Variants in UBA3 observed in about 807,000 individuals in gnomAD.
The protein encoded by UBA3 is ubiquitin like modifier activating enzyme 3.
A neutral mutation model predicts 73.5 loss-of-function variants in UBA3; 26 were observed. That is an observed-to-expected ratio of 0.35 (90% CI 0.26 to 0.49). The LOEUF (loss-of-function observed/expected upper bound fraction) is 0.49. Among genes scored for constraint, UBA3 ranks in the 20% least tolerant of loss-of-function variants. The pLI is 0.98. For missense variants in UBA3, 495 were observed against 555.6 expected (o/e 0.89, Z 1.10); for synonymous variants, 217 against 191.2 (o/e 1.13, Z -1.11).
chr3:69,068,433 A>T (rs2107493152), intron 5 of UBA3, among the ~76,000 whole-genome samples: 1 of 151,050 alleles, frequency 6.6e-6, no homozygotes, highest in East Asian at 1.9e-4. Flanking sequence ...CCTTCATTTA[A>T]CCCCTTCTTC....
At chr3:69,056,494 T>C in intron 14 of UBA3, 118 bp downstream of exon 14, 4 of 924,252 alleles carry the variant, frequency 4.3e-6, no homozygotes, top group Non-Finnish European at 6.5e-6. Flanking sequence ...AAAAGATATA[T>C]AATAAGTAGA....
intron 2 of UBA3, among the ~76,000 whole-genome samples, chr3:69,079,566 G>A (rs960824517): frequency 1.3e-5 from 2 of 152,236 alleles, no homozygotes; most frequent in Admixed American, 6.5e-5. Flanking sequence ...AGGGTGTGTA[G>A]TAAAAGGGAT....
chr3:69,080,080 G>A, intron 2 of UBA3, 32 bp downstream of exon 2: 1 of 1,600,800 alleles, frequency 6.2e-7, no homozygotes. Flanking sequence ...GGGGGTCCCC[G>A]GAGAGGGCCC....
chr3:69,059,196 AC>A (rs1161147205), intron 11 of UBA3, among the ~76,000 whole-genome samples: 2 of 152,216 alleles, frequency 1.3e-5, no homozygotes, highest in East Asian at 3.8e-4. Flanking sequence ...TATGTGTTAG[AC>A]TGAGAATGAT....
At chr3:69,078,324 G>A (rs191125868) in intron 2 of UBA3, among the ~76,000 whole-genome samples, 351 of 152,278 alleles carry the variant, frequency 2.3e-3, no homozygotes, top group African/African-American at 8.1e-3. Context: ...AGATACAACA[G>A]AGAAAAAAAG....
intron 3 of UBA3, among the ~76,000 whole-genome samples, chr3:69,076,685 C>G (rs1191354964): frequency 6.6e-6 from 1 of 152,040 alleles, no homozygotes; most frequent in East Asian, 1.9e-4. Context: ...ATCCTCCCAC[C>G]TCAACCTCCT....
intron 11 of UBA3, among the ~76,000 whole-genome samples, chr3:69,059,747 G>A (rs560238742): frequency 5.5e-4 from 83 of 152,102 alleles, no homozygotes; most frequent in African/African-American, 2.0e-3. Flanking sequence ...GAGAGAAATG[G>A]CAGATTTTCA....
intron 11 of UBA3, among the ~76,000 whole-genome samples, chr3:69,059,023 A>C (rs2091999853): frequency 6.6e-6 from 1 of 152,248 alleles, no homozygotes; most frequent in Non-Finnish European, 1.5e-5. Flanking sequence ...CAATTAGCAA[A>C]TATGTGTAAC....
intron 5 of UBA3, among the ~76,000 whole-genome samples, chr3:69,068,727 G>A (rs1437878812): frequency 6.6e-6 from 1 of 152,074 alleles, no homozygotes; most frequent in Non-Finnish European, 1.5e-5. Context: ...GATTACAGGT[G>A]CCTGCCACCA....
rs1228462979 is a variant in UBA3, at chr3:69,075,464, G to A, written c.230C>T (p.Ala77Val). The A allele has an allele frequency of 2.6e-6, 4 of 1,567,686 alleles. No individual in the cohort carries two copies. Among genetic ancestry groups the A allele is most frequent in the Non-Finnish European group, 3.5e-6 (4 of 1,159,302 alleles). The change falls in exon 4 of 18, where the codon GCT becomes GTT. Residue 77 changes from alanine (A) to valine (V), a missense_variant. Physicochemically the swap from Ala to Val is moderately conservative, Grantham distance 64. Coordinates refer to ENST00000361055, the MANE Select transcript of UBA3 (RefSeq NM_003968.4). ...LDTCKVLVIG[A>V]GGLGCELLKN... ...CAGGAGCTCACATCCTAAGCCGCCAGCTCCAATGACTAGAACTTTACATGT... is the reference window on the plus strand; with the variant it reads ...CAGGAGCTCACATCCTAAGCCGCCAACTCCAATGACTAGAACTTTACATGT...
chr3:69,079,272 T>C (rs140748338), intron 2 of UBA3, among the ~76,000 whole-genome samples: 61 of 152,336 alleles, frequency 4.0e-4, no homozygotes, highest in Middle Eastern at 3.4e-3. Flanking sequence ...AATTGTGATT[T>C]CATGTAAAAG....
chr3:69,080,269 G>A, intron 1 of UBA3, 65 bp downstream of exon 1: 3 of 1,584,872 alleles, frequency 1.9e-6, no homozygotes, highest in Non-Finnish European at 2.6e-6. Flanking sequence ...GGCGGCAACC[G>A]CCCACCGCCG....
At chr3:69,079,893 A>C in intron 2 of UBA3, 1 of 524,292 alleles carries the variant, frequency 1.9e-6, no homozygotes, top group Non-Finnish European at 3.3e-6. Context: ...GAGCTGGGGC[A>C]GTACAGCCTG....
At chr3:69,077,566 T>C (rs902247643) in intron 3 of UBA3, 1 of 398,732 alleles carries the variant, frequency 2.5e-6, no homozygotes, top group Non-Finnish European at 4.4e-6. Flanking sequence ...GGTCATGAAG[T>C]TAGATTTTTC....
chr3:69,075,436 T>C lies in UBA3; in HGVS notation c.258A>G (p.Lys86=). 1 of 1,529,502 alleles carries C rather than the reference T, an allele frequency of 6.5e-7. No homozygotes were observed. The highest frequency in any genetic ancestry group is 1.3e-5 in the South Asian group (1 of 79,184). 94.7% of individuals were successfully genotyped at this position (1,529,502 alleles called of 1,614,324 possible). Residue 86 remains lysine (K), a synonymous_variant, in exon 4 of 18, where the codon AAA becomes AAG. Coordinates refer to ENST00000361055, the MANE Select transcript of UBA3 (RefSeq NM_003968.4). Reference sequence around the variant, plus strand: ...ATATATGTATATATATTACCAGATTTTTCAGGAGCTCACATCCTAAGCCGC... The same window carrying C: ...ATATATGTATATATATTACCAGATTCTTCAGGAGCTCACATCCTAAGCCGC... ...GAGGLGCELL[K]NLALSGFRQI...
chr3:69,065,268 C>A (rs1266560503), intron 6 of UBA3, among the ~76,000 whole-genome samples: 1 of 151,556 alleles, frequency 6.6e-6, no homozygotes, highest in Non-Finnish European at 1.5e-5. Context: ...TTTTTCCCTA[C>A]AGGGGCCTGT....
chr3:69,056,717 T>C, intron 13 of UBA3, 24 bp from the exon 14 acceptor site: 1 of 1,610,442 alleles, frequency 6.2e-7, no homozygotes, highest in Non-Finnish European at 8.5e-7. Flanking sequence ...ATGTTCATCT[T>C]TATATAATTA....
At chr3:69,058,551 TAA>T (rs1426965175) in intron 11 of UBA3, among the ~76,000 whole-genome samples, 1 of 152,156 alleles carries the variant, frequency 6.6e-6, no homozygotes, top group Non-Finnish European at 1.5e-5. Flanking sequence ...AGAGGAAATT[TAA>T]AAAGAGATAA....
At chr3:69,070,875 G>T (rs550527190) in intron 5 of UBA3, among the ~76,000 whole-genome samples, 1 of 152,130 alleles carries the variant, frequency 6.6e-6, no homozygotes, top group African/African-American at 2.4e-5. Flanking sequence ...GGATCTCCTG[G>T]GCTCAAGCAA....
Sources: allele counts gnomAD v4.1 joint callset (sites outside exome capture counted in the v4.1 genomes callset), GRCh38; gene constraint gnomAD v4.1.1; transcripts MANE v1.5; gene names NCBI Gene and HGNC (gene_info 2026-07-23, HGNC 2026-07-21).